Variants in CUBN observed in about 807,000 individuals in gnomAD.
CUBN encodes 460 kDa receptor.
In CUBN, 282 loss-of-function variants were observed where a neutral mutation model predicts 405.3. The ratio of observed to expected loss-of-function variants is 0.70; its 90% confidence interval spans 0.63 to 0.77. CUBN has a LOEUF of 0.77. Ranked by LOEUF, CUBN falls within the 30% of genes least tolerant of loss-of-function variation. The pLI is 0.00. For synonymous variants in CUBN, 1,684 were observed against 1,617.0 expected, an observed-to-expected ratio of 1.04 and a Z score of -0.99; for missense variants, 4,514 against 4,475.2, an observed-to-expected ratio of 1.01 and a Z score of -0.25.
At chr10:16,955,003 G>T (rs1429867123) in intron 31 of CUBN, among the ~76,000 whole-genome samples, 1 of 152,322 alleles carries the variant, frequency 6.6e-6, no homozygotes, top group Admixed American at 6.5e-5. Context: ...ATAGGGTAAT[G>T]CTCAAGAGAA....
rs1291412867 is a variant in CUBN at position 17,045,006 on chromosome 10, C to G, written c.3672+1G>C. The G allele has an allele frequency of 1.2e-6, 2 of 1,613,474 alleles. No individual in the cohort carries two copies. The highest frequency in any genetic ancestry group is 1.7e-6 in the Non-Finnish European group (2 of 1,179,554). On this transcript the variant is annotated splice_donor_variant, in intron 25 of 66. Coordinates refer to ENST00000377833, the MANE Select transcript of CUBN (RefSeq NM_001081.4). LOFTEE classifies it high-confidence loss of function. Reference sequence around the variant, plus strand: ...CAATATGATGGAAACATTATACATACAGCCAGGTAATCTAAAGTGCAGTTT... The same window carrying G: ...CAATATGATGGAAACATTATACATAGAGCCAGGTAATCTAAAGTGCAGTTT...
chr10:17,070,497 A>C (rs1047304059), intron 19 of CUBN, among the ~76,000 whole-genome samples: 4 of 152,196 alleles, frequency 2.6e-5, no homozygotes, highest in African/African-American at 7.2e-5. Context: ...ATCCATGAAC[A>C]TTAAATGTCT....
chr10:16,903,652 T>G (rs906475638), intron 51 of CUBN, among the ~76,000 whole-genome samples: 1 of 147,590 alleles, frequency 6.8e-6, no homozygotes, highest in Non-Finnish European at 1.5e-5. Context: ...ATAATTATTA[T>G]TAATAATTAT....
At chr10:17,023,476 C>T (rs946093532) in intron 27 of CUBN, 5 of 367,338 alleles carry the variant, frequency 1.4e-5, no homozygotes, top group Non-Finnish European at 2.9e-5. Context: ...GTCACCTCTA[C>T]AATTCATTCC....
chr10:17,019,477 T>G (rs77465243), intron 28 of CUBN, among the ~76,000 whole-genome samples: 1 of 152,166 alleles, frequency 6.6e-6, no homozygotes, highest in Non-Finnish European at 1.5e-5. Context: ...CTCATTCTAT[T>G]CCATTGCACC....
chr10:16,929,529 A>C (rs1564429525), intron 40 of CUBN, among the ~76,000 whole-genome samples: 1 of 152,164 alleles, frequency 6.6e-6, no homozygotes. Context: ...TACAACTTGA[A>C]ACTCATTCAT....
intron 48 of CUBN, among the ~76,000 whole-genome samples, chr10:16,911,171 G>A (rs1336432312): frequency 6.6e-6 from 1 of 152,108 alleles, no homozygotes; most frequent in African/African-American, 2.4e-5. Context: ...ACGAATTGGT[G>A]ATCAATGCAT....
intron 43 of CUBN, among the ~76,000 whole-genome samples, chr10:16,921,668 C>G (rs536930906): frequency 6.6e-6 from 1 of 152,228 alleles, no homozygotes; most frequent in Non-Finnish European, 1.5e-5. Flanking sequence ...CTTCCTCTGG[C>G]CCTTGGGCGC....
At chr10:17,099,343 G>A (rs1029950616) in intron 14 of CUBN, among the ~76,000 whole-genome samples, 1 of 152,068 alleles carries the variant, frequency 6.6e-6, no homozygotes, top group Non-Finnish European at 1.5e-5. Context: ...ATTATTGAGT[G>A]ATCATTAAGA....
Position 17,129,645 on chromosome 10 carries a change from G to A in CUBN, c.121C>T (p.Gln41Ter). 6.2e-7 allele frequency: 1 copy of A among 1,614,156 alleles called. No homozygotes were observed. The highest frequency in any genetic ancestry group is 8.5e-7 in the Non-Finnish European group (1 of 1,179,992). Residue 41 changes from glutamine (Q) to a stop codon, truncating the protein, a stop_gained and splice_region_variant, in exon 1 of 67, where the codon CAG becomes TAG. Coordinates refer to ENST00000377833, the MANE Select transcript of CUBN (RefSeq NM_001081.4). LOFTEE classifies it high-confidence loss of function. ...QRQKRSINLQ[Q>*]PRMATERGNL... ...GGAATGACCCATGTGTTTACTTACT[G>A]TTGGAGATTGATGCTTCTTTTTTGT...
At position 16,952,301 on chromosome 10, in the gene CUBN, G is replaced by A. The variant is rs754876568; in HGVS notation, c.4944C>T (p.Ser1648=). The change falls in exon 33 of 67, where the codon AGC becomes AGT. Residue 1648 remains serine, a synonymous_variant. Coordinates refer to ENST00000377833, the MANE Select transcript of CUBN (RefSeq NM_001081.4). The part of the protein sequence containing the change: ...PANYPNNQNC[S]WIIQAQPPLN... The stretch of plus-strand genomic sequence containing the variant: ...ATGGAGGTTGCGCTTGAATGATCCA[G>A]CTGCAGTTCTGATTGTTTGGATAAT... 1.2e-6 allele frequency: 2 copies of A among 1,613,360 alleles called. No individual in the cohort carries two copies. Among genetic ancestry groups the A allele is most frequent in the Admixed American group, 1.7e-5 (1 of 60,016 alleles).
At chr10:16,937,553 A>G in intron 39 of CUBN, 39 bp downstream of exon 39, 1 of 1,563,942 alleles carries the variant, frequency 6.4e-7, no homozygotes, top group South Asian at 1.1e-5. Flanking sequence ...GCCTGCACAT[A>G]TCAGTCCTAA....
At chr10:17,023,249 C>T (rs1302789998) in intron 27 of CUBN, among the ~76,000 whole-genome samples, 1 of 124,772 alleles carries the variant, frequency 8.0e-6, no homozygotes, top group Non-Finnish European at 1.7e-5. Flanking sequence ...TGATGAATGA[C>T]AATTAGTTTC....
In CUBN at chr10:16,898,066, G is replaced by GTATATATA. The variant is rs10551726; in HGVS notation, c.8598+922_8598+929dup. On this transcript the variant is annotated intron_variant, in intron 54 of 66. Coordinates refer to ENST00000377833, the MANE Select transcript of CUBN (RefSeq NM_001081.4). ...GTATATTAAATGTATTTTATTATAT[G>GTATATATA]TATATATATATATATATATATGTTA... Among the ~76,000 whole-genome samples the GTATATATA allele has an allele frequency of 7.9e-3, 1,139 of 145,006 alleles. 22 individuals are homozygous for GTATATATA. Among genetic ancestry groups the GTATATATA allele is most frequent in the African/African-American group, 0.028 (1,085 of 39,258 alleles).
At chr10:17,119,709 G>A (rs534628707) in intron 6 of CUBN, among the ~76,000 whole-genome samples, 8 of 152,180 alleles carry the variant, frequency 5.3e-5, no homozygotes, top group South Asian at 2.1e-4. Flanking sequence ...CAAGAATCAC[G>A]TCTTCAGAAC....
At chr10:16,974,175 C>G (rs1023605814) in intron 31 of CUBN, among the ~76,000 whole-genome samples, 5 of 152,158 alleles carry the variant, frequency 3.3e-5, no homozygotes, top group African/African-American at 7.2e-5. Flanking sequence ...TCTTATTATC[C>G]CCATTTCCAT....
At chr10:17,104,630 A>AC (rs1256311561) in intron 11 of CUBN, 25 bp from the exon 12 acceptor site, 1 of 1,583,644 alleles carries the variant, frequency 6.3e-7, no homozygotes, top group South Asian at 1.1e-5. Context: ...AACACATAAT[A>AC]CCATAAAACA....
intron 23 of CUBN, among the ~76,000 whole-genome samples, chr10:17,046,414 T>C (rs1225237523): frequency 6.6e-6 from 1 of 152,156 alleles, no homozygotes; most frequent in African/African-American, 2.4e-5. Context: ...GAAAACACGA[T>C]AAAGAAACTA....
chr10:17,071,446 A>G lies in CUBN; in HGVS notation c.2605T>C (p.Cys869Arg). Residue 869 changes from cysteine (C) to arginine (R), a missense_variant, in exon 19 of 67, where the codon TGT (cysteine) becomes CGT (arginine). By Grantham distance (180) the Cys-to-Arg change is radical. Coordinates refer to ENST00000377833, the MANE Select transcript of CUBN (RefSeq NM_001081.4). Reference protein sequence around the residue: ...TVFEIGSSAHCETDYVEIGSS... With the variant: ...TVFEIGSSAHRETDYVEIGSS... ...CTTACCTCAACATAATCTGTTTCAC[A>G]GTGGGCAGAACTTCCAATTTCAAAG... The G allele has an allele frequency of 6.2e-7, 1 of 1,613,974 alleles. No individual in the cohort carries two copies. The highest frequency in any genetic ancestry group is 8.5e-7 in the Non-Finnish European group (1 of 1,179,918).
Sources: allele counts gnomAD v4.1 joint callset (sites outside exome capture counted in the v4.1 genomes callset), GRCh38; gene constraint gnomAD v4.1.1; transcripts MANE v1.5; gene names NCBI Gene and HGNC (gene_info 2026-07-23, HGNC 2026-07-21).